The following MRPL47 variants were observed in gnomAD, a reference collection of about 807,000 sequenced individuals.
MRPL47 encodes the protein mitochondrial ribosomal protein L47.
MRPL47 carries 31 observed loss-of-function variants against 34.0 expected under a neutral mutation model. The ratio of observed to expected loss-of-function variants is 0.91; its 90% CI spans 0.68 to 1.23. The LOEUF (loss-of-function observed/expected upper bound fraction) is 1.23. Among genes scored for constraint, MRPL47 ranks in the 50% most tolerant of loss-of-function variants. MRPL47 has a pLI of 0.00. For synonymous variants in MRPL47, 106 were observed against 101.6 expected, an observed-to-expected ratio of 1.04 and a Z score of -0.26; for missense variants, 328 against 285.8, an observed-to-expected ratio of 1.15 and a Z score of -1.07.
intron 3 of MRPL47, 38 bp downstream of exon 3, chr3:179,601,692 T>C: frequency 7.7e-7 from 1 of 1,300,686 alleles, no homozygotes; most frequent in Non-Finnish European, 1.1e-6. Context: ...CTATAACGGC[T>C]TCAAACGTCT....
intron 5 of MRPL47, among the ~76,000 whole-genome samples, chr3:179,593,558 G>A (rs1718721850): frequency 6.6e-6 from 1 of 152,218 alleles, no homozygotes; most frequent in South Asian, 2.1e-4. Context: ...GGAATGGGAT[G>A]TCTGGGCTGG....
At chr3:179,602,610 T>C (rs879508335) in intron 2 of MRPL47, 42 bp downstream of exon 2, 2 of 622,664 alleles carry the variant, frequency 3.2e-6, no homozygotes, top group African/African-American at 2.8e-5. Context: ...GGGGGGGGGG[T>C]TCCATAAATA....
At chr3:179,589,521 G>A (rs1330379408) in intron 6 of MRPL47, among the ~76,000 whole-genome samples, 1 of 152,032 alleles carries the variant, frequency 6.6e-6, no homozygotes, top group East Asian at 1.9e-4. Context: ...TGACCTGTAG[G>A]GTCAACTTGG....
At chr3:179,596,235 T>A (rs1256404402) in intron 4 of MRPL47, among the ~76,000 whole-genome samples, 1 of 152,252 alleles carries the variant, frequency 6.6e-6, no homozygotes, top group African/African-American at 2.4e-5. Context: ...GGATATCAAC[T>A]CACATCAGTG....
intron 4 of MRPL47, among the ~76,000 whole-genome samples, chr3:179,596,690 C>A (rs1718796254): frequency 6.6e-6 from 1 of 152,162 alleles, no homozygotes; most frequent in South Asian, 2.1e-4. Context: ...CTTGCTCGGT[C>A]ACCCAGCCTA....
chr3:179,598,060 T>TAAAATAATACATAACATGAAA (rs1718828966), intron 4 of MRPL47, among the ~76,000 whole-genome samples: 1 of 152,142 alleles, frequency 6.6e-6, no homozygotes, highest in Admixed American at 6.5e-5. Context: ...AAATATAGAT[T>TAAAATAATACATAACATGAAA]TATCATATAA....
At chr3:179,590,533 C>T (rs879299758) in intron 6 of MRPL47, among the ~76,000 whole-genome samples, 2 of 151,880 alleles carry the variant, frequency 1.3e-5, no homozygotes, top group Non-Finnish European at 2.9e-5. Context: ...GAAGAAGCAA[C>T]AGTGGAAAAT....
At chr3:179,590,279 C>T (rs977875872) in intron 6 of MRPL47, among the ~76,000 whole-genome samples, 4 of 151,128 alleles carry the variant, frequency 2.6e-5, no homozygotes, top group South Asian at 2.1e-4. Flanking sequence ...GTGGAGGTTG[C>T]AGTGAGCCGA....
rs1028528974 is a variant in MRPL47, at chr3:179,588,814, C to T, written c.*58G>A. On this transcript the variant is annotated 3_prime_UTR_variant, in exon 7 of 7. Transcript: ENST00000476781. Reference sequence around the variant, plus strand: ...CTTTATAAACCACTTAACATATTTACTCCTGTACACAGACTATTCAAGAAA... The same window carrying T: ...CTTTATAAACCACTTAACATATTTATTCCTGTACACAGACTATTCAAGAAA... 2 of 1,496,304 alleles carry T rather than the reference C, an allele frequency of 1.3e-6. No homozygotes were observed. Among genetic ancestry groups the T allele is most frequent in the Non-Finnish European group, 1.8e-6 (2 of 1,102,282 alleles). The allele number at this position is 1,496,304 out of a possible 1,614,324, so 92.7% of individuals were successfully genotyped here.
chr3:179,601,048 C>T (rs2108384799), intron 3 of MRPL47, among the ~76,000 whole-genome samples: 3 of 152,324 alleles, frequency 2.0e-5, no homozygotes, highest in Middle Eastern at 3.4e-3. Context: ...CATCCTCCAA[C>T]ACACCTTTCC....
intron 4 of MRPL47, among the ~76,000 whole-genome samples, chr3:179,597,261 A>T (rs1289585676): frequency 6.6e-6 from 1 of 152,214 alleles, no homozygotes; most frequent in Non-Finnish European, 1.5e-5. Flanking sequence ...AATTAGGGTA[A>T]ATCAATGAGG....
intron 3 of MRPL47, among the ~76,000 whole-genome samples, chr3:179,600,834 A>G (rs1718910628): frequency 6.6e-6 from 1 of 152,152 alleles, no homozygotes; most frequent in Non-Finnish European, 1.5e-5. Flanking sequence ...CGGTGTTGCC[A>G]AATCACAGGT....
At chr3:179,598,549 T>A in intron 4 of MRPL47, 126 bp downstream of exon 4, 2 of 650,706 alleles carry the variant, frequency 3.1e-6, no homozygotes, top group South Asian at 3.5e-5. Flanking sequence ...GTTGCACTAC[T>A]CAAATTTACT....
At chr3:179,601,164 G>A (rs1016800913) in intron 3 of MRPL47, among the ~76,000 whole-genome samples, 1 of 152,106 alleles carries the variant, frequency 6.6e-6, no homozygotes, top group Admixed American at 6.6e-5. Context: ...GTAATCCCAG[G>A]ATGTTGGGAG....
intron 4 of MRPL47, among the ~76,000 whole-genome samples, chr3:179,594,456 T>C (rs1414817437): frequency 3.9e-5 from 6 of 152,204 alleles, no homozygotes; most frequent in Non-Finnish European, 7.3e-5. Context: ...TTCTATTGTT[T>C]TATAATGTAT....
rs1718586777 is a variant in MRPL47, at chr3:179,588,741, C to CACTT, written c.*127_*130dup. On this transcript the variant is annotated 3_prime_UTR_variant, in exon 7 of 7. Transcript: ENST00000476781. ...TTAGCTAATTAGCATGCCATATTCA[C>CACTT]ACTTAGAACAACTGATTAGTAAAGT... The CACTT allele has an allele frequency of 1.2e-6, 1 of 866,956 alleles. No individual in the cohort carries two copies. Among genetic ancestry groups the CACTT allele is most frequent in the Non-Finnish European group, 1.7e-6 (1 of 574,398 alleles). 53.7% of individuals were successfully genotyped at this position (866,956 alleles called of 1,614,324 possible).
chr3:179,596,624 A>T (rs1718794860), intron 4 of MRPL47, among the ~76,000 whole-genome samples: 1 of 152,224 alleles, frequency 6.6e-6, no homozygotes, highest in Non-Finnish European at 1.5e-5. Flanking sequence ...CGTGTTCTTT[A>T]TAAAGCATCC....
intron 4 of MRPL47, among the ~76,000 whole-genome samples, chr3:179,594,612 A>G (rs1275425374): frequency 6.6e-6 from 1 of 152,094 alleles, no homozygotes; most frequent in African/African-American, 2.4e-5. Flanking sequence ...CCTCCTGAGC[A>G]GCTGGGATTA....
Position 179,604,576 on chromosome 3 carries a change from G to A in MRPL47, c.49C>T (p.Leu17=). Residue 17 remains leucine, a synonymous_variant, in exon 1 of 7, where the codon CTG becomes TTG. Coordinates refer to ENST00000476781, the MANE Select transcript of MRPL47 (RefSeq NM_020409.3). Reference sequence around the variant, plus strand: ...GTTATTAACGATCGGGAAGATTTCAGGGCGGATGAAACTCTCCTACAAAGA... The same window carrying A: ...GTTATTAACGATCGGGAAGATTTCAAGGCGGATGAAACTCTCCTACAAAGA... The part of the protein sequence containing the change: ...ALLCRRVSSA[L]KSSRSLITPQ... 1 of 1,614,154 alleles carries A rather than the reference G, an allele frequency of 6.2e-7. No homozygotes were observed. Among genetic ancestry groups the A allele is most frequent in the Non-Finnish European group, 8.5e-7 (1 of 1,180,004 alleles).
Sources: gnomAD v4.1 joint callset for allele counts (sites outside exome capture counted in the v4.1 genomes callset) on GRCh38, gnomAD v4.1.1 for gene constraint, MANE v1.5 for transcripts, NCBI Gene and HGNC (gene_info 2026-07-23, HGNC 2026-07-21) for gene names.